Variants in RNF144A observed in about 807,000 individuals in gnomAD.
RNF144A encodes the protein E3 ubiquitin-protein ligase RNF144A.
A neutral mutation model predicts 38.7 loss-of-function variants in RNF144A; 11 were observed. The observed-to-expected ratio is 0.28, with a 90% CI of 0.18 to 0.47. The LOEUF (loss-of-function observed/expected upper bound fraction) is 0.47, where lower values mean the gene tolerates loss of function less well. Among genes scored for constraint, RNF144A ranks in the 20% least tolerant of loss-of-function variants. The pLI is 0.99. For synonymous variants in RNF144A, 149 were observed against 143.9 expected (o/e 1.04, Z -0.25); for missense variants, 316 against 377.2 (o/e 0.84, Z 1.34).
chr2:7,001,302 A>G (rs989167977), intron 3 of RNF144A, among the ~76,000 whole-genome samples: 1 of 152,028 alleles, frequency 6.6e-6, no homozygotes, highest in Non-Finnish European at 1.5e-5. Flanking sequence ...CTCCATCTCA[A>G]TAAATAAATA....
At chr2:7,062,497 T>TAAAAAAAAAAAAAAA (rs70942688) in intron 6 of RNF144A, among the ~76,000 whole-genome samples, 2 of 113,492 alleles carry the variant, frequency 1.8e-5, no homozygotes, top group African/African-American at 3.4e-5. Context: ...TGCTGGGTGC[T>TAAAAAAAAAAAAAAA]AAAAAAAAAA....
At chr2:7,032,373 G>A (rs1227707232) in intron 8 of RNF144A, among the ~76,000 whole-genome samples, 5 of 151,862 alleles carry the variant, frequency 3.3e-5, no homozygotes, top group African/African-American at 1.2e-4. Context: ...AGCTCTGCTC[G>A]AATCCGCGCC....
intron 7 of RNF144A, among the ~76,000 whole-genome samples, chr2:7,025,826 TC>T (rs1671855261): frequency 6.6e-6 from 1 of 152,154 alleles, no homozygotes. Flanking sequence ...GATGAATGTA[TC>T]CAGTCCATCC....
Position 7,041,464 on chromosome 2 carries a change from A to G in RNF144A, c.*1704A>G. 1 of 985,926 alleles carries G rather than the reference A, an allele frequency of 1.0e-6. No homozygotes were observed. The highest frequency in any genetic ancestry group is 4.7e-5 in the South Asian group (1 of 21,286). The allele number at this position is 985,926 out of a possible 1,614,324, so 61.1% of individuals were successfully genotyped here. A position where few individuals can be genotyped will look rare whatever the true frequency, so the allele number is the denominator to read the frequency against. ...ATTACATTCAAAAAGCTCTCCTTGT[A>G]ATTGCAAGTTTAGTAACTCAGTAAG... On this transcript the variant is annotated 3_prime_UTR_variant, in exon 9 of 9. Coordinates refer to ENST00000320892, the MANE Select transcript of RNF144A (RefSeq NM_014746.6).
intron 6 of RNF144A, among the ~76,000 whole-genome samples, chr2:7,067,802 A>C (rs986207646): frequency 1.3e-4 from 20 of 152,164 alleles, no homozygotes; most frequent in African/African-American, 4.6e-4. Context: ...TGTAAAGTCC[A>C]TTTTGGGCTA....
intron 6 of RNF144A, among the ~76,000 whole-genome samples, chr2:7,052,339 C>A (rs1673563806): frequency 6.6e-6 from 1 of 152,212 alleles, no homozygotes; most frequent in Non-Finnish European, 1.5e-5. Flanking sequence ...CTAGTCCTCA[C>A]AAAAGTGCTA....
At chr2:6,991,796 CAT>C (rs944826097) in intron 2 of RNF144A, among the ~76,000 whole-genome samples, 7 of 152,084 alleles carry the variant, frequency 4.6e-5, no homozygotes, top group African/African-American at 9.7e-5. Flanking sequence ...TACACACACA[CAT>C]ACATATATAT....
intron 2 of RNF144A, among the ~76,000 whole-genome samples, chr2:6,974,970 G>T (rs1668221453): frequency 6.6e-6 from 1 of 152,226 alleles, no homozygotes; most frequent in African/African-American, 2.4e-5. Context: ...AACCGGAAAA[G>T]AAGTTAAGAG....
chr2:7,068,327 T>C, downstream of RNF144A: 1 of 1,060,296 alleles, frequency 9.4e-7, no homozygotes, highest in Non-Finnish European at 1.3e-6. Flanking sequence ...ACAGAGTAAT[T>C]CATTTGGGTA....
At position 7,036,612 on chromosome 2, in the gene RNF144A, A is replaced by G. The variant is rs189581026; in HGVS notation, c.748-3017A>G. On this transcript the variant is annotated intron_variant, in intron 8 of 8. Coordinates refer to ENST00000320892, the MANE Select transcript of RNF144A (RefSeq NM_014746.6). ...TTTTAAACAAATATTGGACCTCTGG[A>G]ATAGCTTTTTGGGTATAGATTTTGC... 3.8e-4 allele frequency among the ~76,000 whole-genome samples: 58 copies of G among 152,336 alleles called. 1 individual carries two copies. Among genetic ancestry groups the G allele is most frequent in the Admixed American group, 1.2e-3 (18 of 15,308 alleles).
At chr2:6,957,536 C>T (rs1191966475) in intron 2 of RNF144A, among the ~76,000 whole-genome samples, 1 of 152,196 alleles carries the variant, frequency 6.6e-6, no homozygotes, top group Non-Finnish European at 1.5e-5. Context: ...GCTCAGAGAG[C>T]TCACTGCATA....
At chr2:7,055,184 G>T (rs1020726756) in intron 6 of RNF144A, among the ~76,000 whole-genome samples, 2 of 151,980 alleles carry the variant, frequency 1.3e-5, no homozygotes, top group Non-Finnish European at 2.9e-5. Context: ...TCTCTTCTAA[G>T]CTTTGCAAAT....
At chr2:6,988,154 T>A (rs978106882) in intron 2 of RNF144A, among the ~76,000 whole-genome samples, 7 of 152,228 alleles carry the variant, frequency 4.6e-5, no homozygotes, top group Non-Finnish European at 1.0e-4. Flanking sequence ...AGATACAGAT[T>A]TAGATGGACC....
At chr2:7,021,320 T>G (rs961084116) in intron 6 of RNF144A, among the ~76,000 whole-genome samples, 16 of 152,088 alleles carry the variant, frequency 1.1e-4, no homozygotes, top group African/African-American at 3.9e-4. Flanking sequence ...AGGATCCTCA[T>G]AGAGGAGCTG....
chr2:7,006,566 A>C (rs1193516540), intron 3 of RNF144A, among the ~76,000 whole-genome samples: 1 of 151,888 alleles, frequency 6.6e-6, no homozygotes, highest in Non-Finnish European at 1.5e-5. Flanking sequence ...CCGCTACCCC[A>C]ACCCTTGCTG....
chr2:6,927,446 A>G (rs1664947697), intron 1 of RNF144A, among the ~76,000 whole-genome samples: 1 of 152,148 alleles, frequency 6.6e-6, no homozygotes, highest in Non-Finnish European at 1.5e-5. Context: ...GACCAGCTTG[A>G]CTGTGCCAGC....
In RNF144A at chr2:7,042,923, A is replaced by G. The variant is rs747939805; in HGVS notation, c.*3163A>G. Reference sequence around the variant, plus strand: ...GCTTTTGTCCCCCAAGCTGGAGTACAATGACAGGATCTCGGCTCACTGCAA... The same window carrying G: ...GCTTTTGTCCCCCAAGCTGGAGTACGATGACAGGATCTCGGCTCACTGCAA... On this transcript the variant is annotated 3_prime_UTR_variant, in exon 9 of 9. Coordinates refer to ENST00000320892, the MANE Select transcript of RNF144A (RefSeq NM_014746.6). 2.8e-4 allele frequency: 253 copies of G among 899,994 alleles called. No homozygotes were observed. Among genetic ancestry groups the G allele is most frequent in the Non-Finnish European group, 3.2e-4 (242 of 752,440 alleles). 55.8% of individuals were successfully genotyped at this position (899,994 alleles called of 1,614,324 possible).
At chr2:7,012,350 G>T (rs1019238305) in intron 3 of RNF144A, among the ~76,000 whole-genome samples, 1 of 152,164 alleles carries the variant, frequency 6.6e-6, no homozygotes, top group South Asian at 2.1e-4. Context: ...AGGAAGATGG[G>T]CCTTCTGGTT....
At chr2:7,073,117 C>A (rs897454104), downstream of RNF144A, among the ~76,000 whole-genome samples, 7 of 152,208 alleles carry the variant, frequency 4.6e-5, no homozygotes, top group African/African-American at 1.7e-4. Flanking sequence ...CCCCAAAGAA[C>A]CCTGTCGCCA....
Sources: allele counts gnomAD v4.1 joint callset (sites outside exome capture counted in the v4.1 genomes callset), GRCh38; gene constraint gnomAD v4.1.1; transcripts MANE v1.5; gene names NCBI Gene and HGNC (gene_info 2026-07-23, HGNC 2026-07-21).